Variants in PTPRD observed in about 807,000 individuals in gnomAD.
PTPRD encodes the protein receptor-type tyrosine-protein phosphatase delta.
PTPRD carries 34 observed loss-of-function variants against 214.5 expected under a neutral mutation model. The ratio of observed to expected loss-of-function variants is 0.16; its 90% confidence interval spans 0.12 to 0.21. The LOEUF is 0.21. Ranked by LOEUF, PTPRD falls within the 10% of genes least tolerant of loss-of-function variation. The pLI is 1.00. For missense variants in PTPRD, 2,545 were observed against 2,398.7 expected (o/e 1.06, Z -1.27); for synonymous variants, 1,128 against 845.7 (o/e 1.33, Z -5.79).
chr9:9,542,728 C>A (rs912716427), intron 8 of PTPRD, among the ~76,000 whole-genome samples: 2 of 151,636 alleles, frequency 1.3e-5, no homozygotes, highest in Non-Finnish European at 3.0e-5. Context: ...CATCATTAGT[C>A]ATTACAGAGA....
intron 3 of PTPRD, among the ~76,000 whole-genome samples, chr9:10,162,266 T>G (rs929803960): frequency 6.6e-6 from 1 of 151,348 alleles, no homozygotes; most frequent in African/African-American, 2.4e-5. Context: ...TAGCACCCTT[T>G]ACAAAAAAAA....
intron 10 of PTPRD, among the ~76,000 whole-genome samples, chr9:9,129,769 A>T (rs995628577): frequency 6.6e-6 from 1 of 152,148 alleles, no homozygotes; most frequent in African/African-American, 2.4e-5. Flanking sequence ...TCCCACATAC[A>T]TATTGACATT....
intron 10 of PTPRD, among the ~76,000 whole-genome samples, chr9:9,154,533 C>T (rs1457211156): frequency 6.6e-6 from 1 of 152,236 alleles, no homozygotes; most frequent in South Asian, 2.1e-4. Flanking sequence ...AATCAAGGCT[C>T]CACCATTACG....
At chr9:8,641,632 ATG>A (rs2096578840) in intron 12 of PTPRD, among the ~76,000 whole-genome samples, 1 of 133,314 alleles carries the variant, frequency 7.5e-6, no homozygotes, top group Non-Finnish European at 1.5e-5. Context: ...ATATTCTAGA[ATG>A]TGTCTGCCAG....
intron 12 of PTPRD, among the ~76,000 whole-genome samples, chr9:8,702,363 T>G (rs186746648): frequency 6.6e-6 from 1 of 152,288 alleles, no homozygotes; most frequent in African/African-American, 2.4e-5. Flanking sequence ...TTTTTTATAC[T>G]TCTTGCTTCT....
At chr9:10,442,192 G>A (rs2098763914) in intron 2 of PTPRD, among the ~76,000 whole-genome samples, 2 of 151,518 alleles carry the variant, frequency 1.3e-5, no homozygotes, top group African/African-American at 2.4e-5. Flanking sequence ...TTCAGTAAAT[G>A]TAATTTAAAA....
At chr9:9,699,136 G>C (rs977823884) in intron 7 of PTPRD, among the ~76,000 whole-genome samples, 2 of 151,986 alleles carry the variant, frequency 1.3e-5, no homozygotes, top group African/African-American at 4.8e-5. Flanking sequence ...ACTGATAATT[G>C]GCTATTTTCG....
In PTPRD at chr9:8,376,001, T is replaced by C. The variant is rs2134813988; in HGVS notation, c.4596A>G (p.Leu1532=). ...HGVPEHPTPF[L]AFLRRVKTCN... ...AGGTTTTGACTCTACGTAAGAAAGC[T>C]AGAAAAGGTGTAGGGTGTTCTGGAA... Residue 1532 remains leucine, a synonymous_variant, in exon 39 of 46, where the codon CTA becomes CTG. Coordinates refer to ENST00000381196, the MANE Select transcript of PTPRD (RefSeq NM_002839.4). 6.2e-7 allele frequency: 1 copy of C among 1,612,950 alleles called. No homozygotes were observed. Among genetic ancestry groups the C allele is most frequent in the Non-Finnish European group, 8.5e-7 (1 of 1,179,276 alleles).
chr9:9,928,992 T>C (rs908016544), intron 5 of PTPRD, among the ~76,000 whole-genome samples: 9 of 152,176 alleles, frequency 5.9e-5, no homozygotes, highest in African/African-American at 2.2e-4. Context: ...AACAAATAAA[T>C]GATTTAAGTC....
chr9:9,678,423 C>T (rs999146739), intron 7 of PTPRD, among the ~76,000 whole-genome samples: 1 of 151,994 alleles, frequency 6.6e-6, no homozygotes, highest in Non-Finnish European at 1.5e-5. Context: ...CGCATATCTA[C>T]AACCATCTGA....
chr9:9,053,384 AATG>A (rs147341142), intron 10 of PTPRD, among the ~76,000 whole-genome samples: 6,718 of 151,404 alleles, frequency 0.044, 224 homozygotes, highest in African/African-American at 0.096. Context: ...TATGATGGCC[AATG>A]ATGATGATGA....
intron 10 of PTPRD, among the ~76,000 whole-genome samples, chr9:9,168,805 C>T (rs908085970): frequency 1.7e-4 from 26 of 151,962 alleles, no homozygotes; most frequent in African/African-American, 3.6e-4. Context: ...TTATTTGTTA[C>T]GGGTACATTT....
intron 9 of PTPRD, among the ~76,000 whole-genome samples, chr9:9,324,661 A>G (rs897210379): frequency 6.6e-6 from 1 of 152,052 alleles, no homozygotes; most frequent in African/African-American, 2.4e-5. Context: ...CTCTGATGGT[A>G]GTTTCTTTTG....
chr9:9,427,788 C>A (rs911254561), intron 8 of PTPRD, among the ~76,000 whole-genome samples: 1 of 152,122 alleles, frequency 6.6e-6, no homozygotes, highest in African/African-American at 2.4e-5. Flanking sequence ...ATTTTCAACC[C>A]AGAATTTCAT....
chr9:9,370,413 G>A (rs548224432), intron 9 of PTPRD, among the ~76,000 whole-genome samples: 2 of 151,668 alleles, frequency 1.3e-5, no homozygotes, highest in African/African-American at 4.9e-5. Context: ...CTCTCTATTT[G>A]TCTGTTATTG....
chr9:10,606,347 C>A (rs910569519), intron 2 of PTPRD, among the ~76,000 whole-genome samples: 9 of 151,750 alleles, frequency 5.9e-5, no homozygotes, highest in African/African-American at 2.2e-4. Context: ...CCCCTCCATC[C>A]TTTTCCACTG....
chr9:9,146,659 C>T (rs1364748873), intron 10 of PTPRD, among the ~76,000 whole-genome samples: 1 of 151,954 alleles, frequency 6.6e-6, no homozygotes, highest in Non-Finnish European at 1.5e-5. Context: ...TTTGAAGTTC[C>T]AAAAATATTT....
intron 2 of PTPRD, among the ~76,000 whole-genome samples, chr9:10,386,827 G>A (rs564962877): frequency 6.6e-6 from 1 of 151,836 alleles, no homozygotes; most frequent in African/African-American, 2.4e-5. Context: ...TTAGGTGTAG[G>A]GTGAATTAAG....
intron 8 of PTPRD, among the ~76,000 whole-genome samples, chr9:9,562,560 T>C (rs2083262308): frequency 6.6e-6 from 1 of 152,124 alleles, no homozygotes; most frequent in South Asian, 2.1e-4. Flanking sequence ...TGACCTCAGG[T>C]CCTAGAACTC....
Sources: gnomAD v4.1 joint callset for allele counts (sites outside exome capture counted in the v4.1 genomes callset) on GRCh38, gnomAD v4.1.1 for gene constraint, MANE v1.5 for transcripts, NCBI Gene and HGNC (gene_info 2026-07-23, HGNC 2026-07-21) for gene names.